The following POLD3 variants were observed in gnomAD, a reference collection of about 807,000 sequenced individuals.
POLD3 encodes the protein DNA polymerase delta subunit 3.
POLD3 carries 19 observed loss-of-function variants against 58.2 expected under a neutral mutation model. The ratio of observed to expected loss-of-function variants is 0.33; its 90% CI spans 0.23 to 0.48. POLD3 has a LOEUF of 0.48. Ranked by LOEUF, POLD3 falls within the 20% of genes least tolerant of loss-of-function variation. The probability of loss-of-function intolerance (pLI) is 0.99; values close to 1 mark genes in which losing one functional copy is unlikely to be tolerated. For synonymous variants in POLD3, 172 were observed against 193.5 expected, an observed-to-expected ratio of 0.89 and a Z score of 0.92; for missense variants, 504 against 545.5, an observed-to-expected ratio of 0.92 and a Z score of 0.76.
intron 3 of POLD3, among the ~76,000 whole-genome samples, chr11:74,607,063 C>T (rs1399233516): frequency 6.6e-6 from 1 of 152,010 alleles, no homozygotes; most frequent in African/African-American, 2.4e-5. Flanking sequence ...AATGTGGATG[C>T]TTACCTATGC....
Position 74,618,613 on chromosome 11 carries a change from C to G in POLD3, c.469C>G (p.Gln157Glu), listed in dbSNP as rs776051862. The G allele has an allele frequency of 6.2e-7, 1 of 1,613,882 alleles. No individual in the cohort carries two copies. Among genetic ancestry groups the G allele is most frequent in the South Asian group, 1.1e-5 (1 of 91,074 alleles). ...ESSSSSKKFEQSHLHMSSETQ... is the reference protein window; with the variant it reads ...ESSSSSKKFEESHLHMSSETQ... ...CTCTTCGTCTTCCAAAAAGTTTGAGCAGTCACATCTTCACATGTCAAGTGA... is the reference window on the plus strand; with the variant it reads ...CTCTTCGTCTTCCAAAAAGTTTGAGGAGTCACATCTTCACATGTCAAGTGA... The change falls in exon 6 of 12, where the codon CAG becomes GAG. Residue 157 changes from glutamine (Q) to glutamate (E), a missense_variant. Around this residue, in one of 2 missense-constraint regions of POLD3, gnomAD observed 385 missense variants for 370.5 expected, o/e 1.04. Coordinates refer to ENST00000263681, the MANE Select transcript of POLD3 (RefSeq NM_006591.3).
intron 4 of POLD3, among the ~76,000 whole-genome samples, chr11:74,648,417 T>G (rs1257164146): frequency 6.6e-6 from 1 of 152,098 alleles, no homozygotes; most frequent in East Asian, 1.9e-4. Context: ...CCTCCTCCTG[T>G]GTAAAGGAGG....
Position 74,607,555 on chromosome 11 carries a change from C to T in POLD3, c.219+2761C>T, listed in dbSNP as rs190151854. 8.6e-5 allele frequency among the ~76,000 whole-genome samples: 13 copies of T among 151,670 alleles called. No homozygotes were observed. In the East Asian group the frequency reaches 1.9e-3, roughly 23 times the overall value. On this transcript the variant is annotated intron_variant, in intron 3 of 11. Transcript: ENST00000263681. Reference sequence around the variant, plus strand: ...TGCTAGGATTACAGGCGTGAGCCACCGCGCCTGGACTTATTTTTATTTTTT... The same window carrying T: ...TGCTAGGATTACAGGCGTGAGCCACTGCGCCTGGACTTATTTTTATTTTTT...
At chr11:74,632,863 T>G (rs1416440079) in intron 9 of POLD3, among the ~76,000 whole-genome samples, 3 of 124,672 alleles carry the variant, frequency 2.4e-5, no homozygotes, top group Non-Finnish European at 4.7e-5. Context: ...GTGGTTTTCC[T>G]TTATTTAAGT....
At chr11:74,623,686 A>G (rs1384693549) in intron 7 of POLD3, among the ~76,000 whole-genome samples, 1 of 152,242 alleles carries the variant, frequency 6.6e-6, no homozygotes, top group African/African-American at 2.4e-5. Flanking sequence ...ACAAAATTTA[A>G]AGGTCATAAT....
chr11:74,664,186 A>G (rs1025023000), intron 4 of POLD3, among the ~76,000 whole-genome samples: 1 of 152,244 alleles, frequency 6.6e-6, no homozygotes, highest in Non-Finnish European at 1.5e-5. Flanking sequence ...CGTTGCTGGT[A>G]GGAGTGACAC....
At chr11:74,600,573 G>A (rs549721675) in intron 2 of POLD3, among the ~76,000 whole-genome samples, 2 of 152,032 alleles carry the variant, frequency 1.3e-5, no homozygotes, top group Admixed American at 1.3e-4. Context: ...AGGCAGACAT[G>A]GCAGTGAGCT....
In POLD3 at chr11:74,601,763, CAG is replaced by C; in HGVS notation, c.117-2926_117-2925del. On this transcript the variant is annotated intron_variant, in intron 2 of 11. Transcript: ENST00000263681. ...CGCCACTGCACTTCAGCCTGGGCGA[CAG>C]AGTGAGACTCTATCTCTTAAAAAAA... is the stretch of plus-strand genomic sequence containing the variant. Among the ~76,000 whole-genome samples, 3 of 152,200 alleles carry C rather than the reference CAG, an allele frequency of 2.0e-5. No homozygotes were observed. In the South Asian group the frequency reaches 6.2e-4, roughly 32 times the overall value.
At chr11:74,656,506 G>C (rs1361933645) in intron 4 of POLD3, among the ~76,000 whole-genome samples, 3 of 152,070 alleles carry the variant, frequency 2.0e-5, no homozygotes, top group Non-Finnish European at 4.4e-5. Context: ...AGAATCGCTT[G>C]AACCCGGGAG....
chr11:74,632,868 T>A (rs2032632162), intron 9 of POLD3, among the ~76,000 whole-genome samples: 2 of 89,334 alleles, frequency 2.2e-5, no homozygotes, highest in East Asian at 3.1e-4. Context: ...TTTCCTTTAT[T>A]TAAGTAAATA....
intron 2 of POLD3, among the ~76,000 whole-genome samples, chr11:74,596,357 T>C (rs2031257173): frequency 6.6e-6 from 1 of 151,716 alleles, no homozygotes; most frequent in Non-Finnish European, 1.5e-5. Context: ...CTAATTTTAT[T>C]GTATTTTTAG....
At chr11:74,668,953 A>G (rs1052516363) in exon 5 of POLD3, 1 of 384,348 alleles carries the variant, frequency 2.6e-6, no homozygotes, top group African/African-American at 2.2e-5. Flanking sequence ...AAGTTCACCA[A>G]GAGAAAAAGT....
chr11:74,609,366 ATATATATTTTTTTTTTTTT>A, intron 3 of POLD3, among the ~76,000 whole-genome samples: 1 of 42,572 alleles, frequency 2.3e-5, no homozygotes, highest in African/African-American at 1.9e-4. Flanking sequence ...ATATATATAT[ATATATATTTTTTTTTTTTT>A]TTTTTTTTTT....
At chr11:74,654,727 A>C (rs1412764864) in intron 4 of POLD3, among the ~76,000 whole-genome samples, 1 of 152,210 alleles carries the variant, frequency 6.6e-6, no homozygotes, top group Non-Finnish European at 1.5e-5. Context: ...ACAAATCACG[A>C]AAACCTGCAG....
chr11:74,606,172 C>G (rs2031667557), intron 3 of POLD3, among the ~76,000 whole-genome samples: 1 of 152,192 alleles, frequency 6.6e-6, no homozygotes, highest in South Asian at 2.1e-4. Flanking sequence ...TTTCTTGTTT[C>G]CAAGCTATTT....
At chr11:74,598,505 C>G (rs1170717424) in intron 2 of POLD3, among the ~76,000 whole-genome samples, 3 of 152,122 alleles carry the variant, frequency 2.0e-5, no homozygotes, top group Non-Finnish European at 4.4e-5. Context: ...CGCATAGATT[C>G]TTTTGCTTTG....
At chr11:74,609,088 A>G (rs954361145) in intron 3 of POLD3, among the ~76,000 whole-genome samples, 1 of 152,014 alleles carries the variant, frequency 6.6e-6, no homozygotes, top group Non-Finnish European at 1.5e-5. Context: ...CAAAACCTGT[A>G]TTATTACCAA....
chr11:74,623,308 G>A (rs1480998060), intron 7 of POLD3, among the ~76,000 whole-genome samples: 3 of 152,036 alleles, frequency 2.0e-5, no homozygotes, highest in African/African-American at 4.8e-5. Flanking sequence ...GTTGGTGGGC[G>A]CCTGTAGTCC....
intron 4 of POLD3, among the ~76,000 whole-genome samples, chr11:74,612,633 A>T (rs955699913): frequency 6.6e-6 from 1 of 152,200 alleles, no homozygotes; most frequent in African/African-American, 2.4e-5. Flanking sequence ...CTAAGTGTCC[A>T]CTGGATGAGT....
Sources: allele counts gnomAD v4.1 joint callset (sites outside exome capture counted in the v4.1 genomes callset), GRCh38; gene constraint gnomAD v4.1.1; regional missense constraint gnomAD v4.1.1; transcripts MANE v1.5; gene names NCBI Gene and HGNC (gene_info 2026-07-23, HGNC 2026-07-21).